The following QTMAN variants were observed in gnomAD, a reference collection of about 807,000 sequenced individuals.
QTMAN encodes tRNA-queuosine alpha-mannosyltransferase.
At chr2:144,077,704 C>T in the QTMAN span, among the ~76,000 whole-genome samples, 1 of 152,100 alleles carries the variant, frequency 6.6e-6, no homozygotes, top group Non-Finnish European at 1.5e-5. Flanking sequence ...AGCTCAGACA[C>T]AAAGGCAAAA....
the QTMAN span, among the ~76,000 whole-genome samples, chr2:144,244,054 G>A: frequency 1.3e-5 from 2 of 152,248 alleles, no homozygotes; most frequent in South Asian, 4.1e-4. Context: ...CACTAAGGCG[G>A]TCCTAAAAGT....
chr2:144,297,335 C>G, the QTMAN span, among the ~76,000 whole-genome samples: 3 of 152,116 alleles, frequency 2.0e-5, no homozygotes, highest in Non-Finnish European at 4.4e-5. Flanking sequence ...CAATGGATTT[C>G]ACGCAAAAAC....
At chr2:144,197,140 A>C in the QTMAN span, among the ~76,000 whole-genome samples, 2 of 152,192 alleles carry the variant, frequency 1.3e-5, no homozygotes, top group Non-Finnish European at 2.9e-5. Flanking sequence ...ACTGTATTTA[A>C]TATCGTAGGC....
the QTMAN span, among the ~76,000 whole-genome samples, chr2:144,159,745 C>T: frequency 6.6e-6 from 1 of 151,950 alleles, no homozygotes; most frequent in African/African-American, 2.4e-5. Flanking sequence ...AGACAGAGAG[C>T]TTACAGAAAT....
chr2:144,051,864 G>C, the QTMAN span, among the ~76,000 whole-genome samples: 8 of 152,194 alleles, frequency 5.3e-5, no homozygotes, highest in African/African-American at 1.9e-4. Context: ...CTACCATGCT[G>C]GTGCTAGAGC....
At chr2:143,955,365 T>C in the QTMAN span, among the ~76,000 whole-genome samples, 1 of 152,190 alleles carries the variant, frequency 6.6e-6, no homozygotes, top group Non-Finnish European at 1.5e-5. Context: ...AAATTAGTTA[T>C]TGTAAGTAAC....
At chr2:144,122,837 C>A in the QTMAN span, among the ~76,000 whole-genome samples, 1 of 152,076 alleles carries the variant, frequency 6.6e-6, no homozygotes, top group South Asian at 2.1e-4. Context: ...GCTACCTGGG[C>A]ATAAAGATTT....
At chr2:143,984,500 T>C in the QTMAN span, among the ~76,000 whole-genome samples, 3 of 152,208 alleles carry the variant, frequency 2.0e-5, no homozygotes, top group Non-Finnish European at 4.4e-5. Flanking sequence ...AGAGTTTCCC[T>C]GTGCCTGTGA....
chr2:144,128,251 C>T, the QTMAN span: 20 of 139,486 alleles, frequency 1.4e-4, no homozygotes, highest in African/African-American at 6.7e-4. Context: ...CTTACAGGTT[C>T]TGAGTTTCAA....
chr2:144,199,809 T>C, the QTMAN span, among the ~76,000 whole-genome samples: 1 of 152,160 alleles, frequency 6.6e-6, no homozygotes. Context: ...TCATAAAACT[T>C]AGGAACAGAT....
the QTMAN span, among the ~76,000 whole-genome samples, chr2:143,983,294 A>G: frequency 6.6e-6 from 1 of 152,178 alleles, no homozygotes; most frequent in Non-Finnish European, 1.5e-5. Context: ...AATATACAAT[A>G]AAGAAAGGCT....
the QTMAN span, among the ~76,000 whole-genome samples, chr2:143,988,411 AT>A: frequency 6.6e-6 from 1 of 152,180 alleles, no homozygotes; most frequent in Non-Finnish European, 1.5e-5. Context: ...GCCATATGCC[AT>A]TTGAGACCAA....
the QTMAN span, among the ~76,000 whole-genome samples, chr2:144,117,270 C>A: frequency 6.6e-6 from 1 of 152,186 alleles, no homozygotes; most frequent in Non-Finnish European, 1.5e-5. Flanking sequence ...CTGATCCACA[C>A]AGCTCATATC....
At chr2:144,318,194 AACACAC>A in the QTMAN span, among the ~76,000 whole-genome samples, 4,458 of 141,994 alleles carry the variant, frequency 0.031, 79 homozygotes, top group Non-Finnish European at 0.044. Context: ...TATTTAAATA[AACACAC>A]ACACACACAC....
chr2:144,165,782 GACTC>G, the QTMAN span, among the ~76,000 whole-genome samples: 4 of 152,118 alleles, frequency 2.6e-5, no homozygotes, highest in African/African-American at 9.7e-5. Context: ...CATCTCCTTT[GACTC>G]ACTCTCCCTG....
At chr2:144,129,048 C>T in the QTMAN span, among the ~76,000 whole-genome samples, 1 of 151,648 alleles carries the variant, frequency 6.6e-6, no homozygotes, top group African/African-American at 2.4e-5. Flanking sequence ...GACAGAAGTT[C>T]CCTCTTCAAT....
the QTMAN span, among the ~76,000 whole-genome samples, chr2:143,984,405 C>G: frequency 6.6e-6 from 1 of 152,200 alleles, no homozygotes; most frequent in Non-Finnish European, 1.5e-5. Context: ...AGATGGTTCT[C>G]TAAGGGGAAG....
chr2:143,952,554 A>G, the QTMAN span, among the ~76,000 whole-genome samples: 7 of 151,650 alleles, frequency 4.6e-5, no homozygotes, highest in African/African-American at 7.2e-5. Context: ...ACAATGAAGA[A>G]TGTTATTTGA....
At chr2:144,209,222 C>T in the QTMAN span, among the ~76,000 whole-genome samples, 1,750 of 152,278 alleles carry the variant, frequency 0.011, 31 homozygotes, top group African/African-American at 0.04. Flanking sequence ...CTTCTAATGA[C>T]GACTTTCACT....
Sources: allele counts gnomAD v4.1 joint callset (sites outside exome capture counted in the v4.1 genomes callset), GRCh38; gene constraint gnomAD v4.1.1; transcripts MANE v1.5; gene names NCBI Gene and HGNC (gene_info 2026-07-23, HGNC 2026-07-21).